ASTN2: variants seen among roughly 807,000 people sequenced by gnomAD.
ASTN2 encodes astrotactin-2.
Under a neutral mutation model 139.8 loss-of-function variants are expected in ASTN2, and 54 were observed. The observed-to-expected ratio is 0.39, with a 90% CI of 0.31 to 0.48. The LOEUF is 0.48. ASTN2 is among the 20% of genes least tolerant of loss of function. The pLI is 0.95. For missense variants in ASTN2, 1,565 were observed against 1,725.1 expected, an observed-to-expected ratio of 0.91 and a Z score of 1.64; for synonymous variants, 756 against 719.5, an observed-to-expected ratio of 1.05 and a Z score of -0.81.
chr9:116,828,953 A>G (rs1036317033), intron 11 of ASTN2, among the ~76,000 whole-genome samples: 8 of 152,182 alleles, frequency 5.3e-5, no homozygotes, highest in African/African-American at 1.7e-4. Context: ...ATATTTAACA[A>G]GGAGGTGAAA....
At chr9:116,480,611 G>A (rs1261839156) in intron 20 of ASTN2, among the ~76,000 whole-genome samples, 1 of 152,180 alleles carries the variant, frequency 6.6e-6, no homozygotes, top group Non-Finnish European at 1.5e-5. Flanking sequence ...GAGTACCATG[G>A]CTTTGTGTGT....
At chr9:116,740,437 A>G (rs760350379) in intron 13 of ASTN2, among the ~76,000 whole-genome samples, 7 of 152,152 alleles carry the variant, frequency 4.6e-5, no homozygotes, top group East Asian at 1.9e-4. Context: ...ATCCTTAGTG[A>G]CTTCATCTGT....
At chr9:116,834,965 C>T (rs1468328423) in intron 11 of ASTN2, among the ~76,000 whole-genome samples, 1 of 152,184 alleles carries the variant, frequency 6.6e-6, no homozygotes, top group Non-Finnish European at 1.5e-5. Flanking sequence ...GGGAAGGTCG[C>T]TTGAGCCTAA....
chr9:116,794,922 A>G (rs1458820117), intron 13 of ASTN2, among the ~76,000 whole-genome samples: 3 of 152,112 alleles, frequency 2.0e-5, no homozygotes, highest in African/African-American at 7.2e-5. Flanking sequence ...CTCCTTTCCT[A>G]TTGGGCAAGT....
intron 20 of ASTN2, among the ~76,000 whole-genome samples, chr9:116,446,455 A>T (rs999173098): frequency 6.6e-6 from 1 of 152,154 alleles, no homozygotes; most frequent in Admixed American, 6.5e-5. Flanking sequence ...TCTTGATTTT[A>T]CAAGTGGAGA....
intron 19 of ASTN2, among the ~76,000 whole-genome samples, chr9:116,607,347 C>T (rs1855259931): frequency 6.6e-6 from 1 of 151,994 alleles, no homozygotes; most frequent in Non-Finnish European, 1.5e-5. Context: ...TGCCCACCCA[C>T]AAAGTCAGGA....
rs113451572 is a variant in ASTN2 at position 117,095,327 on chromosome 9, C to T, written c.1276+717G>A. Among the ~76,000 whole-genome samples, 360 of 152,318 alleles carry T rather than the reference C, an allele frequency of 2.4e-3. 3 individuals carry two copies. Among genetic ancestry groups the T allele is most frequent in the African/African-American group, 8.1e-3 (337 of 41,566 alleles). On this transcript the variant is annotated intron_variant, in intron 5 of 22. Transcript: ENST00000313400. ...AATATGCTGTTTTCCTTTCAGAGCACGTTGAATCATCAGGGAACGATGGAT... is the reference window on the plus strand; with the variant it reads ...AATATGCTGTTTTCCTTTCAGAGCATGTTGAATCATCAGGGAACGATGGAT...
intron 13 of ASTN2, among the ~76,000 whole-genome samples, chr9:116,750,572 CCT>C (rs1829370542): frequency 6.6e-6 from 1 of 151,784 alleles, no homozygotes; most frequent in South Asian, 2.1e-4. Context: ...CTTCTCTTTC[CCT>C]CTCTCTTTTA....
chr9:117,409,168 C>T (rs1831090659), intron 1 of ASTN2, among the ~76,000 whole-genome samples: 1 of 152,154 alleles, frequency 6.6e-6, no homozygotes, highest in African/African-American at 2.4e-5. Context: ...GCTTCTCCAT[C>T]CCAGAATCTT....
At chr9:117,135,668 A>T (rs1369111861) in intron 4 of ASTN2, among the ~76,000 whole-genome samples, 1 of 152,170 alleles carries the variant, frequency 6.6e-6, no homozygotes, top group African/African-American at 2.4e-5. Context: ...GATAAAAAAC[A>T]GTACTGGGGC....
intron 10 of ASTN2, among the ~76,000 whole-genome samples, chr9:116,962,634 AT>A (rs982552609): frequency 6.6e-6 from 1 of 152,238 alleles, no homozygotes; most frequent in African/African-American, 2.4e-5. Flanking sequence ...AAGGAAATCA[AT>A]GTAGCAACTT....
intron 13 of ASTN2, among the ~76,000 whole-genome samples, chr9:116,779,846 T>G (rs190368502): frequency 6.6e-6 from 1 of 152,226 alleles, no homozygotes; most frequent in African/African-American, 2.4e-5. Flanking sequence ...ATTTTTTAAA[T>G]TCCCCCCTGG....
intron 1 of ASTN2, among the ~76,000 whole-genome samples, chr9:117,378,349 G>A (rs1159320735): frequency 6.6e-6 from 1 of 152,140 alleles, no homozygotes; most frequent in South Asian, 2.1e-4. Flanking sequence ...GATTTCCACT[G>A]GATAGCAGGG....
At chr9:116,585,758 G>A (rs1854120519) in intron 19 of ASTN2, 1 of 151,968 alleles carries the variant, frequency 6.6e-6, no homozygotes, top group South Asian at 2.1e-4. Flanking sequence ...GTCAGCCTTG[G>A]GAAAGAATTT....
intron 20 of ASTN2, among the ~76,000 whole-genome samples, chr9:116,445,082 A>C (rs180926886): frequency 6.6e-6 from 1 of 152,222 alleles, no homozygotes; most frequent in Non-Finnish European, 1.5e-5. Flanking sequence ...TAGTGCATAC[A>C]CTTCGGCTTG....
At chr9:116,938,917 T>C (rs1245765338) in intron 10 of ASTN2, among the ~76,000 whole-genome samples, 1 of 152,252 alleles carries the variant, frequency 6.6e-6, no homozygotes. Flanking sequence ...AAACATTTAC[T>C]TTCTTTACTA....
At chr9:116,893,086 G>A (rs1717445186) in intron 10 of ASTN2, among the ~76,000 whole-genome samples, 1 of 151,634 alleles carries the variant, frequency 6.6e-6, no homozygotes, top group South Asian at 2.1e-4. Context: ...CCATTAGAAT[G>A]TAAATTACAC....
intron 19 of ASTN2, among the ~76,000 whole-genome samples, chr9:116,593,162 C>A (rs1301622358): frequency 6.6e-6 from 1 of 152,180 alleles, no homozygotes; most frequent in Admixed American, 6.5e-5. Context: ...CCAAGGAGGT[C>A]ATTTAGGGAG....
At chr9:117,354,265 TCCATGGCAGATGAGG>T (rs1463439756) in intron 1 of ASTN2, among the ~76,000 whole-genome samples, 2 of 152,098 alleles carry the variant, frequency 1.3e-5, no homozygotes, top group African/African-American at 4.8e-5. Context: ...AACTCATTAT[TCCATGGCAGATGAGG>T]CCCCTCATCA....
Sources: gnomAD v4.1 joint callset for allele counts (sites outside exome capture counted in the v4.1 genomes callset) on GRCh38, gnomAD v4.1.1 for gene constraint, MANE v1.5 for transcripts, NCBI Gene and HGNC (gene_info 2026-07-23, HGNC 2026-07-21) for gene names.